ROBO1: variants seen among roughly 807,000 people sequenced by gnomAD.
The protein encoded by ROBO1 is roundabout guidance receptor 1.
A neutral mutation model predicts 195.9 loss-of-function variants in ROBO1; 149 were observed. The observed-to-expected ratio is 0.76, with a 90% CI of 0.67 to 0.87. ROBO1 has a LOEUF of 0.87. Ranked by LOEUF, ROBO1 falls within the 40% of genes least tolerant of loss-of-function variation. The probability of loss-of-function intolerance (pLI) is 0.00; values close to 1 mark genes in which losing one functional copy is unlikely to be tolerated. For missense variants in ROBO1, 1,933 were observed against 2,068.3 expected (o/e 0.93, Z 1.27); for synonymous variants, 816 against 733.2 (o/e 1.11, Z -1.82).
intron 2 of ROBO1, among the ~76,000 whole-genome samples, chr3:79,546,222 A>G (rs1181232914): frequency 6.6e-6 from 1 of 152,062 alleles, no homozygotes; most frequent in Non-Finnish European, 1.5e-5. Context: ...TTGCAAAAAT[A>G]CAGCATATAA....
chr3:78,628,333 T>G (rs1704951036), intron 25 of ROBO1, among the ~76,000 whole-genome samples: 1 of 152,152 alleles, frequency 6.6e-6, no homozygotes, highest in African/African-American at 2.4e-5. Flanking sequence ...AACCCATTTT[T>G]TTTTCTCTGA....
intron 3 of ROBO1, among the ~76,000 whole-genome samples, chr3:78,948,425 C>T (rs973169336): frequency 6.6e-6 from 1 of 152,186 alleles, no homozygotes; most frequent in African/African-American, 2.4e-5. Flanking sequence ...ACATGACTAT[C>T]TCAATAGATG....
intron 3 of ROBO1, among the ~76,000 whole-genome samples, chr3:79,037,794 T>A (rs184933417): frequency 6.6e-6 from 1 of 152,216 alleles, no homozygotes; most frequent in Non-Finnish European, 1.5e-5. Flanking sequence ...ACATTTTATG[T>A]TCTAATTTAG....
In ROBO1 at chr3:79,680,681, C is replaced by CT. The variant is rs538238325; in HGVS notation, c.-51+87070dup. ...ACAGTCATATTTAACAAAGTTTACACTTTTTTTCCCAAGAGAGTGTGTCTA... is the reference window on the plus strand; with the variant it reads ...ACAGTCATATTTAACAAAGTTTACACTTTTTTTTCCCAAGAGAGTGTGTCTA... On this transcript the variant is annotated intron_variant, in intron 1 of 30. Coordinates refer to ENST00000464233, the MANE Select transcript of ROBO1 (RefSeq NM_002941.4). Among the ~76,000 whole-genome samples the CT allele has an allele frequency of 5.7e-3, 860 of 152,066 alleles. 6 individuals carry two copies. Among genetic ancestry groups the CT allele is most frequent in the African/African-American group, 0.018 (744 of 41,522 alleles).
At chr3:79,250,027 T>C (rs939927657) in intron 2 of ROBO1, among the ~76,000 whole-genome samples, 1 of 152,172 alleles carries the variant, frequency 6.6e-6, no homozygotes, top group African/African-American at 2.4e-5. Context: ...AAGTAATCAC[T>C]AGTTTTTGCT....
chr3:79,543,973 G>T (rs1397536748), intron 2 of ROBO1, among the ~76,000 whole-genome samples: 1 of 152,080 alleles, frequency 6.6e-6, no homozygotes, highest in Non-Finnish European at 1.5e-5. Flanking sequence ...AACAAAAAAT[G>T]AGGAATGATT....
intron 4 of ROBO1, among the ~76,000 whole-genome samples, chr3:78,765,398 T>C (rs1323841267): frequency 6.6e-6 from 1 of 152,032 alleles, no homozygotes; most frequent in Non-Finnish European, 1.5e-5. Context: ...AAATTTATTA[T>C]TAAATATAAA....
chr3:79,188,547 C>G (rs934196412), intron 2 of ROBO1, among the ~76,000 whole-genome samples: 1 of 151,736 alleles, frequency 6.6e-6, no homozygotes, highest in South Asian at 2.1e-4. Context: ...CCTTTGCACA[C>G]GCACACACAC....
chr3:78,799,630 C>CGTA (rs1346593542), intron 4 of ROBO1, among the ~76,000 whole-genome samples: 2 of 152,002 alleles, frequency 1.3e-5, no homozygotes, highest in Non-Finnish European at 2.9e-5. Flanking sequence ...CGTGAGCCAC[C>CGTA]GCGCCCGGCC....
intron 5 of ROBO1, among the ~76,000 whole-genome samples, chr3:78,720,103 T>C (rs2082005836): frequency 6.6e-6 from 1 of 152,144 alleles, no homozygotes; most frequent in African/African-American, 2.4e-5. Context: ...GGTATGCGCA[T>C]TGTAAAAATA....
chr3:79,348,560 C>T (rs2035219895), intron 2 of ROBO1, among the ~76,000 whole-genome samples: 1 of 152,192 alleles, frequency 6.6e-6, no homozygotes, highest in East Asian at 1.9e-4. Flanking sequence ...AGGCAGAAGA[C>T]AAAGAAACAA....
intron 2 of ROBO1, among the ~76,000 whole-genome samples, chr3:79,278,476 C>T (rs145489068): frequency 6.6e-6 from 1 of 152,264 alleles, no homozygotes; most frequent in East Asian, 1.9e-4. Context: ...CAGCATAATG[C>T]TGCATGGAAA....
At chr3:79,261,938 T>A (rs1354419231) in intron 2 of ROBO1, among the ~76,000 whole-genome samples, 1 of 152,046 alleles carries the variant, frequency 6.6e-6, no homozygotes, top group African/African-American at 2.4e-5. Context: ...TACTCAAGAT[T>A]GTAAAAGACC....
intron 2 of ROBO1, among the ~76,000 whole-genome samples, chr3:79,187,667 C>A (rs1291128690): frequency 6.6e-6 from 1 of 151,940 alleles, no homozygotes; most frequent in Non-Finnish European, 1.5e-5. Context: ...GCCAGAATTT[C>A]TGGGACACAT....
chr3:79,642,504 G>A (rs907351780), intron 1 of ROBO1, among the ~76,000 whole-genome samples: 11 of 151,954 alleles, frequency 7.2e-5, no homozygotes, highest in Admixed American at 6.6e-4. Flanking sequence ...GGACAAAGAG[G>A]GGCTTTTAAG....
At chr3:79,730,366 C>T (rs1442323644) in intron 1 of ROBO1, among the ~76,000 whole-genome samples, 2 of 152,020 alleles carry the variant, frequency 1.3e-5, no homozygotes, top group African/African-American at 4.8e-5. Flanking sequence ...TATCTGATTC[C>T]TATGTAATTA....
chr3:79,127,837 G>C (rs1213158254), intron 2 of ROBO1, among the ~76,000 whole-genome samples: 1 of 152,076 alleles, frequency 6.6e-6, no homozygotes, highest in South Asian at 2.1e-4. Flanking sequence ...CACCTTTCTG[G>C]CCCCTTCTTA....
At chr3:79,552,965 T>A (rs1181658639) in intron 2 of ROBO1, among the ~76,000 whole-genome samples, 1 of 152,106 alleles carries the variant, frequency 6.6e-6, no homozygotes, top group African/African-American at 2.4e-5. Context: ...ATGGCTCATG[T>A]AAACAAATGG....
At chr3:78,766,575 T>G (rs781488628) in intron 4 of ROBO1, among the ~76,000 whole-genome samples, 3 of 152,202 alleles carry the variant, frequency 2.0e-5, no homozygotes, top group Non-Finnish European at 2.9e-5. Context: ...AGTGACAATT[T>G]GACTTTCTCT....
Sources: allele counts gnomAD v4.1 joint callset (sites outside exome capture counted in the v4.1 genomes callset), GRCh38; gene constraint gnomAD v4.1.1; transcripts MANE v1.5; gene names NCBI Gene and HGNC (gene_info 2026-07-23, HGNC 2026-07-21).